The following CALML6 variants were observed in gnomAD, a reference collection of about 807,000 sequenced individuals.
CALML6 encodes the protein calmodulin-like protein 6.
CALML6 carries 27 observed loss-of-function variants against 25.0 expected under a neutral mutation model. The observed-to-expected ratio is 1.08, with a 90% CI of 0.80 to 1.49. The LOEUF (loss-of-function observed/expected upper bound fraction) is 1.49. CALML6 is among the 40% of genes most tolerant of loss of function. CALML6 has a pLI of 0.00. For missense variants in CALML6, 239 were observed against 232.7 expected (o/e 1.03, Z -0.18); for synonymous variants, 97 against 87.2 (o/e 1.11, Z -0.63).
intron 2 of CALML6, 71 bp from the exon 3 acceptor site, chr1:1,916,370 A>G: frequency 7.4e-7 from 1 of 1,352,896 alleles, no homozygotes; most frequent in East Asian, 2.5e-5. Flanking sequence ...TGCAGGGGGT[A>G]CCTCTGACCC....
chr1:1,916,304 G>T, intron 2 of CALML6, 137 bp from the exon 3 acceptor site: 1 of 771,886 alleles, frequency 1.3e-6, no homozygotes, highest in Non-Finnish European at 2.0e-6. Context: ...CCTGCTCTCC[G>T]CTGGGGGCCT....
In CALML6 at chr1:1,915,730, G is replaced by A. The variant is rs375990812; in HGVS notation, c.73G>A (p.Asp25Asn). The A allele has an allele frequency of 2.0e-5, 32 of 1,613,410 alleles. No individual in the cohort carries two copies. The African/African-American group carries it at 3.9e-4, about 19-fold the overall frequency. Residue 25 changes from aspartate (D) to asparagine (N), a missense_variant, in exon 2 of 6, where the codon GAC becomes AAC. Asp to Asn is a conservative substitution (Grantham distance 23). This residue lies in a region of CALML6 where 231 missense variants were observed against 210.9 expected (regional missense o/e 1.10). Transcript: ENST00000307786. ...HPAESCQTTT[D>N]MTERLSAEQI... ...TGCAGAATCCTGTCAGACAACCACC[G>A]ACATGGTAAGGCTGCTCTCTGTGCC... is the stretch of plus-strand genomic sequence containing the variant.
chr1:1,916,796 G>C lies in CALML6; in HGVS notation c.298G>C (p.Val100Leu). The C allele has an allele frequency of 6.2e-7, 1 of 1,613,548 alleles. No individual in the cohort carries two copies. ...NCDGFLALMG[V>L]YHEKAQNQES... ...CGATGGTTTCCTGGCACTAATGGGA[G>C]TTTACCATGAGAAGGCCCAGAACCA... Residue 100 changes from valine to leucine, a missense_variant, in exon 4 of 6, where the codon GTT (valine) becomes CTT (leucine). Physicochemically the swap from Val to Leu is conservative, Grantham distance 32 (BLOSUM62 1). Transcript: ENST00000307786.
chr1:1,916,968 C>G lies in CALML6; in HGVS notation c.399-6C>G, dbSNP rs375098098. 247 of 1,610,914 alleles carry G rather than the reference C, an allele frequency of 1.5e-4. No individual in the cohort carries two copies. Among genetic ancestry groups the G allele is most frequent in the Non-Finnish European group, 2.0e-4 (235 of 1,178,478 alleles). On this transcript the variant is annotated splice_region_variant and splice_polypyrimidine_tract_variant and intron_variant, in intron 4 of 5. Coordinates refer to ENST00000307786, the MANE Select transcript of CALML6 (RefSeq NM_138705.4). ...CGATGGAGTGGCTCAGCGCCAGGCC[C>G]CGTAGGTACGTGCTAATGAACGCAG...
chr1:1,915,650 C>G (rs758647807), intron 1 of CALML6, 35 bp from the exon 2 acceptor site: 87 of 1,610,252 alleles, frequency 5.4e-5, no homozygotes, highest in Admixed American at 2.3e-4. Context: ...AGCTAAAACT[C>G]AGCTGCCACC....
In CALML6 at chr1:1,916,825, G is replaced by A. The variant is rs1445798235; in HGVS notation, c.327G>A (p.Glu109=). 1.9e-6 allele frequency: 3 copies of A among 1,613,412 alleles called. No individual in the cohort carries two copies. The highest frequency in any genetic ancestry group is 2.5e-6 in the Non-Finnish European group (3 of 1,179,996). The part of the protein sequence containing the change: ...GVYHEKAQNQ[E]SELRAAFRVF... Reference sequence around the variant, plus strand: ...ACCATGAGAAGGCCCAGAACCAGGAGAGCGAGCTGAGGGCGGCATTCCGTG... The same window carrying A: ...ACCATGAGAAGGCCCAGAACCAGGAAAGCGAGCTGAGGGCGGCATTCCGTG... The change falls in exon 4 of 6, where the codon GAG becomes GAA. Residue 109 remains glutamate (E), a synonymous_variant. Transcript: ENST00000307786.
chr1:1,915,739 A>G lies in CALML6; in HGVS notation c.78+4A>G. 6.2e-7 allele frequency: 1 copy of G among 1,613,296 alleles called. No individual in the cohort carries two copies. Among genetic ancestry groups the G allele is most frequent in the East Asian group, 2.2e-5 (1 of 44,880 alleles). Reference sequence around the variant, plus strand: ...CTGTCAGACAACCACCGACATGGTAAGGCTGCTCTCTGTGCCCGATGGAGT... The same window carrying G: ...CTGTCAGACAACCACCGACATGGTAGGGCTGCTCTCTGTGCCCGATGGAGT... On this transcript the variant is annotated splice_donor_region_variant and intron_variant, in intron 2 of 5. Transcript: ENST00000307786.
intron 4 of CALML6, 30 bp downstream of exon 4, chr1:1,916,926 G>GGC: frequency 1.3e-6 from 2 of 1,592,890 alleles, no homozygotes; most frequent in Admixed American, 1.7e-5. Flanking sequence ...CGGGTGGTGG[G>GGC]CGGGCACGGG....
Position 1,917,241 on chromosome 1 carries a change from C to G in CALML6, c.*48C>G. 1 of 1,533,300 alleles carries G rather than the reference C, an allele frequency of 6.5e-7. No individual in the cohort carries two copies. Among genetic ancestry groups the G allele is most frequent in the African/African-American group, 1.4e-5 (1 of 73,070 alleles). The allele number at this position is 1,533,300 out of a possible 1,614,324, so 95.0% of individuals were successfully genotyped here. A position where few individuals can be genotyped will look rare whatever the true frequency, so the allele number is the denominator to read the frequency against. ...AGGCCTGCCCGGGAAGGCTGCTGCC[C>G]CTGCCCCCTGGCCCCCACTCCCCCG... is the stretch of plus-strand genomic sequence containing the variant. On this transcript the variant is annotated 3_prime_UTR_variant, in exon 6 of 6. Transcript: ENST00000307786.
rs201807862 is a variant in CALML6 at position 1,917,008 on chromosome 1, G to C, written c.433G>C (p.Glu145Gln). 5.0e-6 allele frequency: 8 copies of C among 1,609,892 alleles called. No individual in the cohort carries two copies. The Admixed American group carries it at 5.0e-5, about 10-fold the overall frequency. The change falls in exon 5 of 6, where the codon GAG (glutamate) becomes CAG (glutamine). Residue 145 changes from glutamate to glutamine, a missense_variant. Physicochemically the swap from Glu to Gln is conservative, Grantham distance 29 (BLOSUM62 2). Around this residue, in one of 2 missense-constraint regions of CALML6, gnomAD observed 231 missense variants for 210.9 expected, o/e 1.10. Coordinates refer to ENST00000307786, the MANE Select transcript of CALML6 (RefSeq NM_138705.4). ...VLMNAGEPLN[E>Q]VEAEQMMKEA... ...AATGAACGCAGGGGAGCCCCTCAAC[G>C]AGGTGGAGGCGGAGCAGATGATGAA... is the stretch of plus-strand genomic sequence containing the variant.
In CALML6 at chr1:1,917,175, C is replaced by T. The variant is rs1651162419; in HGVS notation, c.528C>T (p.Ser176=). 1.2e-6 allele frequency: 2 copies of T among 1,605,356 alleles called. No homozygotes were observed. Among genetic ancestry groups the T allele is most frequent in the Non-Finnish European group, 1.7e-6 (2 of 1,177,266 alleles). The change falls in exon 6 of 6, where the codon TCC becomes TCT. Residue 176 remains serine (S), a synonymous_variant. Transcript: ENST00000307786. ...TTGTGGCCATGATGACGGGGGAGTC[C>T]TTCAAGCTGATCCAGTAGGTGCAGC... ...EEFVAMMTGE[S]FKLIQ
At chr1:1,916,637 G>A in intron 3 of CALML6, 22 bp downstream of exon 3, 1 of 1,602,412 alleles carries the variant, frequency 6.2e-7, no homozygotes, top group Non-Finnish European at 8.5e-7. Flanking sequence ...GCTGGAGTGG[G>A]GTGGGCAGCC....
chr1:1,915,325 GGGACCAGGGTCCCATGA>G lies in CALML6; in HGVS notation c.27+19_27+35del, dbSNP rs1651072224. On this transcript the variant is annotated intron_variant, in intron 1 of 5. Transcript: ENST00000307786. ...TCTCACTGGTAAGTGATGACAGCAT[GGGACCAGGGTCCCATGA>G]AGACCTGCTGGAGGGCCGCACCTCT... is the stretch of plus-strand genomic sequence containing the variant. 6.4e-7 allele frequency: 1 copy of G among 1,552,784 alleles called. No individual in the cohort carries two copies. The highest frequency in any genetic ancestry group is 8.7e-7 in the Non-Finnish European group (1 of 1,148,168).
chr1:1,915,465 C>A, intron 1 of CALML6, 158 bp downstream of exon 1: 5 of 1,408,496 alleles, frequency 3.5e-6, no homozygotes, highest in South Asian at 1.4e-5. Context: ...TCCTGGCCCC[C>A]GCACTTAGCC....
rs1651163884 is a variant in CALML6 at position 1,917,203 on chromosome 1, C to T, written c.*10C>T. On this transcript the variant is annotated 3_prime_UTR_variant, in exon 6 of 6. Coordinates refer to ENST00000307786, the MANE Select transcript of CALML6 (RefSeq NM_138705.4). ...CAAGCTGATCCAGTAGGTGCAGCTG[C>T]CGCAGCCGGGGGAGGCCTGCCCGGG... The T allele has an allele frequency of 6.3e-7, 1 of 1,592,188 alleles. No homozygotes were observed. The highest frequency in any genetic ancestry group is 1.8e-5 in the Admixed American group (1 of 56,678).
chr1:1,915,670 G>A lies in CALML6; in HGVS notation c.28-15G>A. The A allele has an allele frequency of 6.2e-7, 1 of 1,612,946 alleles. No homozygotes were observed. Among genetic ancestry groups the A allele is most frequent in the South Asian group, 1.1e-5 (1 of 91,012 alleles). On this transcript the variant is annotated splice_polypyrimidine_tract_variant and intron_variant, in intron 1 of 5. Coordinates refer to ENST00000307786, the MANE Select transcript of CALML6 (RefSeq NM_138705.4). ...AAACTCAGCTGCCACCACTGCCCCA[G>A]CACTCTGCCCACAGCAGCCCTGGTG... is the stretch of plus-strand genomic sequence containing the variant.
Position 1,916,812 on chromosome 1 carries a change from C to T in CALML6, c.314C>T (p.Ala105Val), listed in dbSNP as rs1557972012. Reference protein sequence around the residue: ...LALMGVYHEKAQNQESELRAA... With the variant: ...LALMGVYHEKVQNQESELRAA... ...CTAATGGGAGTTTACCATGAGAAGG[C>T]CCAGAACCAGGAGAGCGAGCTGAGG... The change falls in exon 4 of 6, where the codon GCC becomes GTC. Residue 105 changes from alanine (A) to valine (V), a missense_variant. Around this residue, in one of 2 missense-constraint regions of CALML6, gnomAD observed 231 missense variants for 210.9 expected, o/e 1.10. Coordinates refer to ENST00000307786, the MANE Select transcript of CALML6 (RefSeq NM_138705.4). 9 of 1,613,356 alleles carry T rather than the reference C, an allele frequency of 5.6e-6. No individual in the cohort carries two copies. Among genetic ancestry groups the T allele is most frequent in the Admixed American group, 1.7e-5 (1 of 59,982 alleles).
rs572821848 is a variant in CALML6 at position 1,916,115 on chromosome 1, T to G, written c.79-326T>G. On this transcript the variant is annotated intron_variant, in intron 2 of 5. Transcript: ENST00000307786. ...CACCCTGCTCTCGGCTTCCTTCACCTGCCTCACCTGGTGTCCATTGCCAGG... is the reference window on the plus strand; with the variant it reads ...CACCCTGCTCTCGGCTTCCTTCACCGGCCTCACCTGGTGTCCATTGCCAGG... 1.7e-4 allele frequency: 72 copies of G among 418,426 alleles called. 3 individuals carry two copies. In the South Asian group the frequency reaches 2.5e-3, roughly 15 times the overall value. The allele number at this position is 418,426 out of a possible 1,614,324, so 25.9% of individuals were successfully genotyped here.
rs1651086139 is a variant in CALML6, at chr1:1,915,739, A to T, written c.78+4A>T. ...CTGTCAGACAACCACCGACATGGTAAGGCTGCTCTCTGTGCCCGATGGAGT... is the reference window on the plus strand; with the variant it reads ...CTGTCAGACAACCACCGACATGGTATGGCTGCTCTCTGTGCCCGATGGAGT... On this transcript the variant is annotated splice_donor_region_variant and intron_variant, in intron 2 of 5. Coordinates refer to ENST00000307786, the MANE Select transcript of CALML6 (RefSeq NM_138705.4). The T allele has an allele frequency of 6.2e-7, 1 of 1,613,178 alleles. No individual in the cohort carries two copies. The highest frequency in any genetic ancestry group is 1.1e-5 in the South Asian group (1 of 91,068).
Sources: gnomAD v4.1 joint callset for allele counts on GRCh38, gnomAD v4.1.1 for gene constraint, gnomAD v4.1.1 regional missense constraint, MANE v1.5 for transcripts, NCBI Gene and HGNC (gene_info 2026-07-23, HGNC 2026-07-21) for gene names.